Variants in NUAK2 observed in about 807,000 individuals in gnomAD.
The protein encoded by NUAK2 is NUAK family kinase 2.
In NUAK2, 20 loss-of-function variants were observed where a neutral mutation model predicts 29.8. The observed-to-expected ratio is 0.67, with a 90% confidence interval of 0.47 to 0.98. The LOEUF is 0.98. NUAK2 is among the 50% of genes least tolerant of loss of function. The pLI, the probability that NUAK2 is intolerant of heterozygous loss-of-function variation, is 0.00. For missense variants in NUAK2, 719 were observed against 834.5 expected, an observed-to-expected ratio of 0.86 and a Z score of 1.71; for synonymous variants, 331 against 342.6, an observed-to-expected ratio of 0.97 and a Z score of 0.37.
chr1:205,311,090 C>A (rs1200200184), intron 2 of NUAK2, among the ~76,000 whole-genome samples: 1 of 152,200 alleles, frequency 6.6e-6, no homozygotes, highest in African/African-American at 2.4e-5. Flanking sequence ...CCCTCTCTTG[C>A]TCACTTTGTT....
At chr1:205,307,010 A>C (rs1369273040) in intron 4 of NUAK2, among the ~76,000 whole-genome samples, 1 of 152,222 alleles carries the variant, frequency 6.6e-6, no homozygotes, top group Non-Finnish European at 1.5e-5. Context: ...AGCAATAATG[A>C]GGGCAGAACA....
chr1:205,319,924 TACACACAC>T (rs377521023), intron 1 of NUAK2, among the ~76,000 whole-genome samples: 2 of 78,502 alleles, frequency 2.5e-5, no homozygotes, highest in African/African-American at 1.3e-4. Context: ...GGGCAAACCA[TACACACAC>T]ACACACACAC....
chr1:205,309,215 C>A (rs1260070718), intron 2 of NUAK2, among the ~76,000 whole-genome samples: 1 of 152,138 alleles, frequency 6.6e-6, no homozygotes, highest in Non-Finnish European at 1.5e-5. Flanking sequence ...AATAAGGCAA[C>A]CTCACAGGGC....
intron 1 of NUAK2, among the ~76,000 whole-genome samples, chr1:205,316,223 C>A (rs1662327070): frequency 6.6e-6 from 1 of 152,144 alleles, no homozygotes; most frequent in African/African-American, 2.4e-5. Flanking sequence ...ACTCATCTGG[C>A]TGGTTTTCAT....
intron 1 of NUAK2, among the ~76,000 whole-genome samples, chr1:205,318,306 GAC>G (rs1662357501): frequency 6.6e-6 from 1 of 152,232 alleles, no homozygotes; most frequent in South Asian, 2.1e-4. Flanking sequence ...TGCTGGGAAA[GAC>G]AGCGGGAGCT....
In NUAK2 at chr1:205,321,557, C is replaced by T. The variant is rs1182497504; in HGVS notation, c.72G>A (p.Ala24=). 6.2e-7 allele frequency: 1 copy of T among 1,613,708 alleles called. No individual in the cohort carries two copies. The highest frequency in any genetic ancestry group is 1.1e-5 in the South Asian group (1 of 91,082). ...PSAAELARPL[A]EGLIKSPKPL... ...GCTTGGGCGACTTGATCAGCCCTTC[C>T]GCCAGCGGCCGGGCTAGCTCTGCGG... is the stretch of plus-strand genomic sequence containing the variant. Residue 24 remains alanine (A), a synonymous_variant, in exon 1 of 7, where the codon GCG becomes GCA. Transcript: ENST00000367157.
At chr1:205,321,246 G>T in intron 1 of NUAK2, 152 bp downstream of exon 1, 1 of 675,782 alleles carries the variant, frequency 1.5e-6, no homozygotes. Context: ...ATCTGCCAGG[G>T]ACACCCCGCA....
intron 1 of NUAK2, among the ~76,000 whole-genome samples, chr1:205,312,037 C>G (rs546316003): frequency 6.6e-6 from 1 of 152,214 alleles, no homozygotes; most frequent in East Asian, 1.9e-4. Context: ...ATGGTCCATG[C>G]AGCAGGAAGG....
chr1:205,312,934 CATT>C (rs1359366536), intron 1 of NUAK2, among the ~76,000 whole-genome samples: 1 of 152,100 alleles, frequency 6.6e-6, no homozygotes, highest in East Asian at 1.9e-4. Context: ...TCCTTGAAAA[CATT>C]ATGCTAAGTG....
chr1:205,317,871 A>G (rs1247643872), intron 1 of NUAK2, among the ~76,000 whole-genome samples: 1 of 152,182 alleles, frequency 6.6e-6, no homozygotes, highest in East Asian at 1.9e-4. Context: ...AGCACAATCC[A>G]TACTCTTTCT....
chr1:205,307,599 C>A (rs558280275), intron 4 of NUAK2, among the ~76,000 whole-genome samples: 6 of 152,220 alleles, frequency 3.9e-5, no homozygotes, highest in Non-Finnish European at 8.8e-5. Context: ...TCCTCCAGCC[C>A]TGAGATCTCA....
At position 205,308,146 on chromosome 1, in the gene NUAK2, A is replaced by G; in HGVS notation, c.570+19T>C. The stretch of plus-strand genomic sequence containing the variant: ...TGGGGTGGGCAAGGAGGCTTCTAGA[A>G]ATAAGAAGTGGGACTCACCTTGATA... On this transcript the variant is annotated intron_variant, in intron 4 of 6. Transcript: ENST00000367157. The surrounding 1 kb of genome is among the most constrained non-coding windows in gnomAD (Gnocchi z 4.1). 6.4e-7 allele frequency: 1 copy of G among 1,571,094 alleles called. No homozygotes were observed. Among genetic ancestry groups the G allele is most frequent in the Non-Finnish European group, 8.7e-7 (1 of 1,145,804 alleles).
intron 1 of NUAK2, among the ~76,000 whole-genome samples, chr1:205,319,446 C>T (rs1264994639): frequency 6.6e-6 from 1 of 152,248 alleles, no homozygotes; most frequent in African/African-American, 2.4e-5. Context: ...TCCACACACA[C>T]ACCCCACAGT....
At chr1:205,306,544 A>G (rs902279707) in intron 4 of NUAK2, among the ~76,000 whole-genome samples, 1 of 152,140 alleles carries the variant, frequency 6.6e-6, no homozygotes, top group African/African-American at 2.4e-5. Context: ...GGGCTCCAGG[A>G]TCCTCACTGC....
Position 205,304,348 on chromosome 1 carries a change from G to T in NUAK2, c.989C>A (p.Ala330Asp). The change falls in exon 7 of 7, where the codon GCC becomes GAC. Residue 330 changes from alanine to aspartate, a missense_variant. Physicochemically the swap from Ala to Asp is moderately radical, Grantham distance 126. Around this residue, in one of 3 missense-constraint regions of NUAK2, gnomAD observed 430 missense variants for 465.7 expected, o/e 0.92. Transcript: ENST00000367157. The surrounding 1 kb of genome is among the most constrained non-coding windows in gnomAD (Gnocchi z 6.5). ...ACGCCGGAGCCAGTCAGCCATGGAG[G>T]CGCGGGCAGAGTCACTGCCAGGGTG... ...GGHPGSDSARASMADWLRRSS... is the reference protein window; with the variant it reads ...GGHPGSDSARDSMADWLRRSS... 6.2e-7 allele frequency: 1 copy of T among 1,610,762 alleles called. No individual in the cohort carries two copies. The highest frequency in any genetic ancestry group is 8.5e-7 in the Non-Finnish European group (1 of 1,177,964).
rs145871344 is a variant in NUAK2 at position 205,321,499 on chromosome 1, G to C, written c.130C>G (p.His44Asp). 6.2e-7 allele frequency: 1 copy of C among 1,614,008 alleles called. No individual in the cohort carries two copies. Among genetic ancestry groups the C allele is most frequent in the Non-Finnish European group, 8.5e-7 (1 of 1,179,910 alleles). The change falls in exon 1 of 7, where the codon CAC (histidine) becomes GAC (aspartate). Residue 44 changes from histidine to aspartate, a missense_variant. Coordinates refer to ENST00000367157, the MANE Select transcript of NUAK2 (RefSeq NM_030952.3). Reference sequence around the variant, plus strand: ...CGGTGCCGCAGGTTGTGCTTGTGGTGGTGCCGCTTCACCGCCTGCTTCTTC... The same window carrying C: ...CGGTGCCGCAGGTTGTGCTTGTGGTCGTGCCGCTTCACCGCCTGCTTCTTC... ...LMKKQAVKRH[H>D]HKHNLRHRYE...
chr1:205,321,470 G>C lies in NUAK2; in HGVS notation c.159C>G (p.Tyr53Ter). The C allele has an allele frequency of 6.2e-7, 1 of 1,614,024 alleles. No homozygotes were observed. Among genetic ancestry groups the C allele is most frequent in the South Asian group, 1.1e-5 (1 of 91,090 alleles). ...HHHKHNLRHR[Y>*]EFLETLGKGT... ...CTTTGCCCAGGGTCTCCAGGAACTC[G>C]TAGCGGTGCCGCAGGTTGTGCTTGT... The change falls in exon 1 of 7, where the codon TAC becomes TAG. Residue 53 changes from tyrosine (Y) to a stop codon, truncating the protein, a stop_gained. Transcript: ENST00000367157. LOFTEE classifies it high-confidence loss of function.
chr1:205,308,539 G>A lies in NUAK2; in HGVS notation c.504+42C>T. 6.3e-7 allele frequency: 1 copy of A among 1,598,290 alleles called. No homozygotes were observed. The highest frequency in any genetic ancestry group is 1.3e-5 in the African/African-American group (1 of 74,754). Reference sequence around the variant, plus strand: ...TCCAAAACAGCCCTAGAGCCCTGGGGACCACCCACTGAGAATATGGCTGGA... The same window carrying A: ...TCCAAAACAGCCCTAGAGCCCTGGGAACCACCCACTGAGAATATGGCTGGA... On this transcript the variant is annotated intron_variant, in intron 3 of 6. Coordinates refer to ENST00000367157, the MANE Select transcript of NUAK2 (RefSeq NM_030952.3). This position sits in a 1 kb window ranked among gnomAD's most constrained non-coding sequence, Gnocchi z 4.1.
intron 1 of NUAK2, among the ~76,000 whole-genome samples, chr1:205,319,443 A>T (rs59031967): frequency 0.027 from 4,166 of 152,252 alleles, 100 homozygotes; most frequent in South Asian, 0.09. Context: ...ACATCCACAC[A>T]CACACCCCAC....
Sources: gnomAD v4.1 joint callset for allele counts (sites outside exome capture counted in the v4.1 genomes callset) on GRCh38, gnomAD v4.1.1 for gene constraint, gnomAD v4.1.1 regional missense constraint, Gnocchi (gnomAD v3.1) non-coding constraint, MANE v1.5 for transcripts, NCBI Gene and HGNC (gene_info 2026-07-23, HGNC 2026-07-21) for gene names.